MYO1F: variants seen among roughly 807,000 people sequenced by gnomAD.
MYO1F encodes myosin IF, also known as unconventional myosin-If.
MYO1F carries 60 observed loss-of-function variants against 146.6 expected under a neutral mutation model. The observed-to-expected ratio is 0.41, with a 90% CI of 0.33 to 0.51. The LOEUF (loss-of-function observed/expected upper bound fraction) is 0.51. Among genes scored for constraint, MYO1F ranks in the 20% least tolerant of loss-of-function variants. The probability of loss-of-function intolerance (pLI) is 0.25; values close to 1 mark genes in which losing one functional copy is unlikely to be tolerated. For synonymous variants in MYO1F, 602 were observed against 602.1 expected (o/e 1.00, Z 0.00); for missense variants, 1,274 against 1,534.3 (o/e 0.83, Z 2.83).
intron 24 of MYO1F, 92 bp downstream of exon 24, chr19:8,526,361 C>G: frequency 6.6e-7 from 1 of 1,508,376 alleles, no homozygotes; most frequent in East Asian, 2.5e-5. Context: ...CTCTCTCTCT[C>G]TCTCTGTAGA....
chr19:8,556,617 G>C (rs1973869693), intron 1 of MYO1F, among the ~76,000 whole-genome samples: 1 of 152,098 alleles, frequency 6.6e-6, no homozygotes, highest in Non-Finnish European at 1.5e-5. Flanking sequence ...GCCGGGCACA[G>C]TGGCTCATGC....
chr19:8,565,793 A>G (rs1207261167), intron 1 of MYO1F, among the ~76,000 whole-genome samples: 1 of 151,772 alleles, frequency 6.6e-6, no homozygotes. Flanking sequence ...AACAATGACA[A>G]CAACAGTTAA....
Position 8,550,554 on chromosome 19 carries a change from A to G in MYO1F, c.904+8T>C. The G allele has an allele frequency of 1.9e-6, 3 of 1,614,048 alleles. No individual in the cohort carries two copies. The highest frequency in any genetic ancestry group is 1.7e-5 in the Admixed American group (1 of 60,004). ...CTCCATCCAGCCCTCCCTGATACCCACACTCACGGTCCACACTCTCCACTC... is the reference window on the plus strand; with the variant it reads ...CTCCATCCAGCCCTCCCTGATACCCGCACTCACGGTCCACACTCTCCACTC... On this transcript the variant is annotated splice_region_variant and intron_variant, in intron 9 of 27. Coordinates refer to ENST00000644032, the MANE Select transcript of MYO1F (RefSeq NM_012335.4).
At chr19:8,524,926 G>A (rs1043709125) in intron 25 of MYO1F, among the ~76,000 whole-genome samples, 5 of 152,262 alleles carry the variant, frequency 3.3e-5, no homozygotes, top group African/African-American at 4.8e-5. Flanking sequence ...GCCAGGCGCC[G>A]TAGCTCATGC....
At chr19:8,553,264 A>G in intron 5 of MYO1F, 36 bp from the exon 6 acceptor site, 3 of 1,612,322 alleles carry the variant, frequency 1.9e-6, no homozygotes, top group Non-Finnish European at 2.5e-6. Flanking sequence ...AAGAAGTCAG[A>G]CTGAGGCAGG....
chr19:8,571,529 C>T (rs1293370444), intron 1 of MYO1F, among the ~76,000 whole-genome samples: 6 of 152,058 alleles, frequency 3.9e-5, no homozygotes, highest in African/African-American at 1.4e-4. Context: ...ATTCTCCTGC[C>T]TCAGCCTCCC....
chr19:8,564,064 G>A (rs923070970), intron 1 of MYO1F, among the ~76,000 whole-genome samples: 5 of 152,136 alleles, frequency 3.3e-5, no homozygotes, highest in African/African-American at 4.8e-5. Context: ...ATTTAAAGGA[G>A]GCCTAATTAG....
chr19:8,543,342 G>A (rs921724557), intron 14 of MYO1F, among the ~76,000 whole-genome samples: 4 of 152,132 alleles, frequency 2.6e-5, no homozygotes, highest in Admixed American at 6.6e-5. Flanking sequence ...GATTTCTGTA[G>A]CCTTCGGTAG....
intron 1 of MYO1F, among the ~76,000 whole-genome samples, chr19:8,574,595 CTCTTTCTTTCTTTCTTTCTT>C (rs58145523): frequency 2.4e-4 from 25 of 105,928 alleles, no homozygotes; most frequent in African/African-American, 8.5e-4. Context: ...CTCTCTCTCT[CTCTTTCTTTCTTTCTTTCTT>C]TCTTTCTTTC....
At position 8,541,934 on chromosome 19, in the gene MYO1F, G is replaced by T. The variant is rs769435412; in HGVS notation, c.1582C>A (p.Leu528Ile). ...ERNRDVLFSD[L>I]IELMQTSEQA... is the part of the protein sequence containing the mutation. ...TCACTGGTCTGCATCAGCTCTATGA[G>T]GTCGGAGAAGAGAACGTCTCGGTTC... Residue 528 changes from leucine to isoleucine, a missense_variant, in exon 15 of 28, where the codon CTC becomes ATC. Coordinates refer to ENST00000644032, the MANE Select transcript of MYO1F (RefSeq NM_012335.4). The T allele has an allele frequency of 6.2e-7, 1 of 1,613,614 alleles. No homozygotes were observed. Among genetic ancestry groups the T allele is most frequent in the Non-Finnish European group, 8.5e-7 (1 of 1,179,984 alleles).
In MYO1F at chr19:8,522,713, C is replaced by T; in HGVS notation, c.2971G>A (p.Ala991Thr). Residue 991 changes from alanine (A) to threonine (T), a missense_variant, in exon 26 of 28, where the codon GCC becomes ACC. By Grantham distance (58) the Ala-to-Thr change is moderately conservative (BLOSUM62 0). Coordinates refer to ENST00000644032, the MANE Select transcript of MYO1F (RefSeq NM_012335.4). ...GGACGTGCCCGGGGTCGTCTGCTGG[C>T]TCCCAGGGATGTGGACGGAGGGCCC... ...PRGPPSTSLGASRRPRARPPS... is the reference protein window; with the variant it reads ...PRGPPSTSLGTSRRPRARPPS... The T allele has an allele frequency of 2.5e-6, 4 of 1,613,826 alleles. No individual in the cohort carries two copies. The highest frequency in any genetic ancestry group is 3.4e-6 in the Non-Finnish European group (4 of 1,179,996).
At chr19:8,539,843 T>C in intron 16 of MYO1F, 104 bp downstream of exon 16, 2 of 1,019,794 alleles carry the variant, frequency 2.0e-6, no homozygotes, top group South Asian at 2.7e-5. Flanking sequence ...CCAGGATTGG[T>C]AGACAGACAG....
intron 1 of MYO1F, among the ~76,000 whole-genome samples, chr19:8,569,429 G>A (rs1006240404): frequency 6.6e-6 from 1 of 152,072 alleles, no homozygotes; most frequent in East Asian, 1.9e-4. Flanking sequence ...TAGGGCAGGC[G>A]GGGACAACCT....
At position 8,525,571 on chromosome 19, in the gene MYO1F, A is replaced by G. The variant is rs1451712852; in HGVS notation, c.2771-9T>C. On this transcript the variant is annotated splice_polypyrimidine_tract_variant and intron_variant, in intron 24 of 27. Coordinates refer to ENST00000644032, the MANE Select transcript of MYO1F (RefSeq NM_012335.4). ...TCCCTTCCGCGTAGGCTCTGAAAGAAGAGTGTCAGGGAGTTGAATGACAGA... is the reference window on the plus strand; with the variant it reads ...TCCCTTCCGCGTAGGCTCTGAAAGAGGAGTGTCAGGGAGTTGAATGACAGA... 7 of 1,611,570 alleles carry G rather than the reference A, an allele frequency of 4.3e-6. No individual in the cohort carries two copies. The highest frequency in any genetic ancestry group is 1.7e-5 in the Admixed American group (1 of 59,982).
At chr19:8,548,600 T>C (rs867835133) in intron 10 of MYO1F, among the ~76,000 whole-genome samples, 1 of 143,842 alleles carries the variant, frequency 7.0e-6, no homozygotes, top group African/African-American at 2.8e-5. Context: ...TTCTTTTTTT[T>C]TTTTTCTTTT....
In MYO1F at chr19:8,534,175, T is replaced by C. The variant is rs796144073; in HGVS notation, c.2043+2077A>G. Among the ~76,000 whole-genome samples the C allele has an allele frequency of 2.2e-4, 32 of 142,716 alleles. 1 individual carries two copies. Among genetic ancestry groups the C allele is most frequent in the African/African-American group, 7.7e-4 (30 of 38,746 alleles). The allele number at this position is 142,716 out of a possible 152,430, so 93.6% of individuals were successfully genotyped here. On this transcript the variant is annotated intron_variant, in intron 19 of 27. Coordinates refer to ENST00000644032, the MANE Select transcript of MYO1F (RefSeq NM_012335.4). ...GCCTGGGTGACAGAGCGAGACTCTG[T>C]CTAAAAAAAAAAAAAAAAATTCATC...
intron 22 of MYO1F, 91 bp downstream of exon 22, chr19:8,527,247 G>T: frequency 6.4e-7 from 1 of 1,557,570 alleles, no homozygotes; most frequent in Non-Finnish European, 8.8e-7. Context: ...CACCAGGTAA[G>T]ATTGTCAGGG....
chr19:8,535,215 A>G (rs1469542925), intron 19 of MYO1F, among the ~76,000 whole-genome samples: 1 of 152,094 alleles, frequency 6.6e-6, no homozygotes, highest in African/African-American at 2.4e-5. Flanking sequence ...CCTGGCCAGC[A>G]AGATTATTTT....
At chr19:8,561,717 C>CT (rs968890790) in intron 1 of MYO1F, among the ~76,000 whole-genome samples, 38 of 119,362 alleles carry the variant, frequency 3.2e-4, no homozygotes, top group East Asian at 1.5e-3. Flanking sequence ...TTTTTTCTAT[C>CT]TTTTTTTTTG....
Sources: gnomAD v4.1 joint callset for allele counts (sites outside exome capture counted in the v4.1 genomes callset) on GRCh38, gnomAD v4.1.1 for gene constraint, MANE v1.5 for transcripts, NCBI Gene and HGNC (gene_info 2026-07-23, HGNC 2026-07-21) for gene names.